Variants in CNTN1 observed in about 807,000 individuals in gnomAD.
CNTN1 encodes contactin-1.
In CNTN1, 38 loss-of-function variants were observed where a neutral mutation model predicts 126.4. The observed-to-expected ratio is 0.30, with a 90% CI of 0.23 to 0.39. The LOEUF (loss-of-function observed/expected upper bound fraction) is 0.39. Ranked by LOEUF, CNTN1 falls within the 10% of genes least tolerant of loss-of-function variation. CNTN1 has a pLI of 1.00. For missense variants in CNTN1, 1,009 were observed against 1,248.4 expected, an observed-to-expected ratio of 0.81 and a Z score of 2.89; for synonymous variants, 413 against 422.6, an observed-to-expected ratio of 0.98 and a Z score of 0.28.
At position 40,785,134 on chromosome 12, in the gene CNTN1, GA is replaced by G. The variant is rs572206947; in HGVS notation, c.-77+92549del. On this transcript the variant is annotated intron_variant, in intron 1 of 23. Transcript: ENST00000551295. ...TCAGATATTGGAAGTATCAGACACA[GA>G]AAAAAACTATTTAGTATTATATTAA... is the stretch of plus-strand genomic sequence containing the variant. Among the ~76,000 whole-genome samples the G allele has an allele frequency of 4.3e-3, 653 of 152,242 alleles. 2 individuals carry two copies. The highest frequency in any genetic ancestry group is 0.014 in the African/African-American group (587 of 41,568).
intron 17 of CNTN1, among the ~76,000 whole-genome samples, chr12:41,007,713 A>G (rs1017118204): frequency 7.9e-5 from 12 of 152,136 alleles, no homozygotes; most frequent in Middle Eastern, 6.8e-3. Flanking sequence ...TGGTTGTCCC[A>G]CTCTAATGTT....
intron 1 of CNTN1, among the ~76,000 whole-genome samples, chr12:40,875,858 C>T (rs954929682): frequency 6.6e-6 from 1 of 151,904 alleles, no homozygotes; most frequent in Admixed American, 6.6e-5. Context: ...TGTATGTTTG[C>T]ATTTCTCTGG....
intron 1 of CNTN1, among the ~76,000 whole-genome samples, chr12:40,809,237 T>C (rs560540699): frequency 7.9e-5 from 12 of 152,328 alleles, no homozygotes; most frequent in African/African-American, 2.9e-4. Context: ...CAGATGTCTG[T>C]GATAAAATCT....
intron 1 of CNTN1, among the ~76,000 whole-genome samples, chr12:40,783,323 C>T (rs1339257412): frequency 1.1e-4 from 16 of 151,938 alleles, no homozygotes; most frequent in Non-Finnish European, 1.5e-5. Flanking sequence ...TAAAATATAG[C>T]TGTGTGAGAT....
chr12:40,987,049 T>C (rs1433601040), intron 16 of CNTN1, among the ~76,000 whole-genome samples: 1 of 152,110 alleles, frequency 6.6e-6, no homozygotes, highest in Non-Finnish European at 1.5e-5. Context: ...TGAAAGATGG[T>C]GGTTTATAGA....
rs779740020 is a variant in CNTN1, at chr12:41,025,178, A to G, written c.2552A>G (p.Glu851Gly). 3.7e-6 allele frequency: 6 copies of G among 1,613,842 alleles called. No homozygotes were observed. The highest frequency in any genetic ancestry group is 5.1e-6 in the Non-Finnish European group (6 of 1,179,894). The change falls in exon 21 of 24, where the codon GAA (glutamate) becomes GGA (glycine). Residue 851 changes from glutamate to glycine, a missense_variant. Glu to Gly is a moderately conservative substitution (Grantham distance 98, BLOSUM62 -2). Transcript: ENST00000551295. ...QIRYWAAHDKEEAANRVQVTS... is the reference protein window; with the variant it reads ...QIRYWAAHDKGEAANRVQVTS... ...CGGTATTGGGCTGCCCATGACAAAG[A>G]AGAAGCTGCAAACAGAGTTCAAGTC...
At chr12:40,707,319 G>A (rs1941793512) in intron 1 of CNTN1, among the ~76,000 whole-genome samples, 1 of 134,872 alleles carries the variant, frequency 7.4e-6, no homozygotes, top group Non-Finnish European at 1.5e-5. Context: ...TGCAATCTCA[G>A]CTCACTACAA....
intron 1 of CNTN1, among the ~76,000 whole-genome samples, chr12:40,713,219 G>C (rs1299386631): frequency 7.3e-6 from 1 of 136,150 alleles, no homozygotes; most frequent in African/African-American, 2.6e-5. Flanking sequence ...CTATATCATG[G>C]CTTTTTTTTT....
chr12:40,791,160 A>T (rs1343010776), intron 1 of CNTN1, among the ~76,000 whole-genome samples: 1 of 152,118 alleles, frequency 6.6e-6, no homozygotes, highest in Admixed American at 6.6e-5. Context: ...GATGCCTATG[A>T]TAGATATTTA....
intron 1 of CNTN1, among the ~76,000 whole-genome samples, chr12:40,730,399 G>A (rs1403885212): frequency 6.6e-6 from 1 of 152,302 alleles, no homozygotes; most frequent in South Asian, 2.1e-4. Flanking sequence ...GAGTTCTAAA[G>A]TGTCTCCAGC....
At chr12:40,704,619 C>G (rs1591990680) in intron 1 of CNTN1, among the ~76,000 whole-genome samples, 1 of 152,218 alleles carries the variant, frequency 6.6e-6, no homozygotes, top group Middle Eastern at 3.4e-3. Flanking sequence ...AGAATACTAC[C>G]TTGCTTATTT....
intron 1 of CNTN1, 107 bp from the exon 2 acceptor site, chr12:40,908,249 CA>C: frequency 3.5e-6 from 2 of 572,326 alleles, no homozygotes; most frequent in Admixed American, 6.6e-5. Flanking sequence ...AAATGATGAA[CA>C]TTTCCAATTT....
At chr12:40,977,772 TTTTGTTTTGTTTTGTTTTGTTTTG>T (rs1566078883) in intron 15 of CNTN1, among the ~76,000 whole-genome samples, 80 of 145,474 alleles carry the variant, frequency 5.5e-4, no homozygotes, top group Middle Eastern at 3.4e-3. Context: ...ATCTGTTTTG[TTTTGTTTTGTTTTGTTTTGTTTTG>T]TTTTGTTTTG....
chr12:40,754,946 G>A (rs1026545223), intron 1 of CNTN1, among the ~76,000 whole-genome samples: 6 of 151,610 alleles, frequency 4.0e-5, no homozygotes, highest in African/African-American at 9.7e-5. Flanking sequence ...CTGTAATCCC[G>A]GCACTTTGGG....
At chr12:40,702,189 G>C (rs1941613418) in intron 1 of CNTN1, among the ~76,000 whole-genome samples, 1 of 151,408 alleles carries the variant, frequency 6.6e-6, no homozygotes. Flanking sequence ...TCCCTGCTCA[G>C]CCTCCCAGAG....
At chr12:40,884,226 A>AT (rs1943959146) in intron 1 of CNTN1, among the ~76,000 whole-genome samples, 1 of 150,368 alleles carries the variant, frequency 6.7e-6, no homozygotes, top group Admixed American at 6.6e-5. Context: ...TTAATTACCC[A>AT]TTTTTTTCTT....
intron 1 of CNTN1, among the ~76,000 whole-genome samples, chr12:40,723,474 A>G (rs990208719): frequency 6.6e-6 from 1 of 152,212 alleles, no homozygotes; most frequent in Non-Finnish European, 1.5e-5. Flanking sequence ...AACTGGAACT[A>G]AGTGGAATAT....
chr12:40,889,549 T>A (rs1944167553), intron 1 of CNTN1, among the ~76,000 whole-genome samples: 1 of 152,182 alleles, frequency 6.6e-6, no homozygotes, highest in Non-Finnish European at 1.5e-5. Context: ...GTGATAGGTG[T>A]TGTGGTAGGT....
intron 1 of CNTN1, among the ~76,000 whole-genome samples, chr12:40,844,069 A>ATTTTTTTTTTTTTTTGTTT (rs1942399324): frequency 1.2e-5 from 1 of 84,684 alleles, no homozygotes; most frequent in South Asian, 4.3e-4. Flanking sequence ...TGGCACAATG[A>ATTTTTTTTTTTTTTTGTTT]TTTTTTTTTT....
Sources: allele counts gnomAD v4.1 joint callset (sites outside exome capture counted in the v4.1 genomes callset), GRCh38; gene constraint gnomAD v4.1.1; transcripts MANE v1.5; gene names NCBI Gene and HGNC (gene_info 2026-07-23, HGNC 2026-07-21).